Variants in ACTR3C observed in about 807,000 individuals in gnomAD.
ACTR3C encodes the protein actin-related protein 3C.
ACTR3C carries 18 observed loss-of-function variants against 26.3 expected under a neutral mutation model. The observed-to-expected ratio is 0.68, with a 90% CI of 0.47 to 1.01. The LOEUF (loss-of-function observed/expected upper bound fraction) is 1.01. Ranked by LOEUF, ACTR3C falls within the 50% of genes least tolerant of loss-of-function variation. ACTR3C has a pLI of 0.00. For synonymous variants in ACTR3C, 55 were observed against 94.5 expected, an observed-to-expected ratio of 0.58 and a Z score of 2.42; for missense variants, 184 against 250.7, an observed-to-expected ratio of 0.73 and a Z score of 1.80.
the ACTR3C span, among the ~76,000 whole-genome samples, chr7:150,223,498 G>A: frequency 7.0e-6 from 1 of 142,598 alleles, no homozygotes; most frequent in African/African-American, 2.8e-5. Context: ...TTGTTTGTTT[G>A]TTTTTAGAAA....
At chr7:150,191,447 T>C in the ACTR3C span, among the ~76,000 whole-genome samples, 1 of 152,240 alleles carries the variant, frequency 6.6e-6, no homozygotes, top group African/African-American at 2.4e-5. Flanking sequence ...TTTTTTAGAT[T>C]TAGTCCAAAG....
chr7:150,038,763 AG>A, the ACTR3C span, among the ~76,000 whole-genome samples: 1 of 134,532 alleles, frequency 7.4e-6, no homozygotes, highest in Non-Finnish European at 1.6e-5. Context: ...CTAAGCCAGG[AG>A]GGGAAGAGGG....
the ACTR3C span, among the ~76,000 whole-genome samples, chr7:150,034,942 GGAA>G: frequency 7.7e-6 from 1 of 129,326 alleles, no homozygotes; most frequent in Non-Finnish European, 1.6e-5. Flanking sequence ...AGCCAGGGGC[GGAA>G]GAGGGGATAA....
At chr7:150,275,676 A>AC (rs1317249063) in intron 6 of ACTR3C, among the ~76,000 whole-genome samples, 27 of 151,966 alleles carry the variant, frequency 1.8e-4, no homozygotes, top group African/African-American at 6.3e-4. Context: ...ACACCACTGC[A>AC]CTCCAGGCTG....
At chr7:150,199,415 G>A in the ACTR3C span, among the ~76,000 whole-genome samples, 2 of 105,516 alleles carry the variant, frequency 1.9e-5, no homozygotes, top group Non-Finnish European at 3.7e-5. Context: ...CAGCATGCTC[G>A]TTAAGAGTCA....
the ACTR3C span, among the ~76,000 whole-genome samples, chr7:149,884,214 G>C: frequency 6.6e-6 from 1 of 152,186 alleles, no homozygotes; most frequent in Admixed American, 6.5e-5. Flanking sequence ...TGGGCTTCCG[G>C]GAATGAAATC....
the ACTR3C span, among the ~76,000 whole-genome samples, chr7:149,987,890 G>C: frequency 6.6e-6 from 1 of 152,082 alleles, no homozygotes; most frequent in Non-Finnish European, 1.5e-5. Context: ...CTGCACATGT[G>C]CCCCTGAACC....
At chr7:150,285,574 G>A (rs996587756) in intron 5 of ACTR3C, among the ~76,000 whole-genome samples, 2 of 152,180 alleles carry the variant, frequency 1.3e-5, no homozygotes, top group African/African-American at 4.8e-5. Context: ...TATTAAAAGT[G>A]AGCATTCACT....
chr7:150,179,245 G>C, the ACTR3C span, among the ~76,000 whole-genome samples: 1 of 143,956 alleles, frequency 6.9e-6, no homozygotes, highest in Non-Finnish European at 1.5e-5. Context: ...GATGAAGGTA[G>C]AGATGATTTA....
the ACTR3C span, among the ~76,000 whole-genome samples, chr7:150,105,161 C>T: frequency 3.3e-5 from 5 of 150,998 alleles, no homozygotes; most frequent in Non-Finnish European, 3.0e-5. Flanking sequence ...CCGCTCACTG[C>T]AAGCTCTGCC....
the ACTR3C span, among the ~76,000 whole-genome samples, chr7:149,991,900 C>G: frequency 6.6e-6 from 1 of 151,908 alleles, no homozygotes; most frequent in East Asian, 2.0e-4. Flanking sequence ...CAGCCTCAAA[C>G]CTAATCTTAC....
the ACTR3C span, among the ~76,000 whole-genome samples, chr7:150,039,994 C>A: frequency 1.4e-5 from 2 of 139,978 alleles, 1 homozygote; most frequent in Non-Finnish European, 3.2e-5. Context: ...TCCCCCACTG[C>A]GATAGTGGTC....
the ACTR3C span, among the ~76,000 whole-genome samples, chr7:150,212,156 G>A: frequency 6.8e-6 from 1 of 146,664 alleles, no homozygotes; most frequent in African/African-American, 2.7e-5. Context: ...AATCCATATT[G>A]CTGAGACTGT....
the ACTR3C span, among the ~76,000 whole-genome samples, chr7:149,906,436 T>C: frequency 2.0e-5 from 2 of 98,944 alleles, no homozygotes; most frequent in Non-Finnish European, 4.4e-5. Flanking sequence ...TTTTTTTTTT[T>C]TTTTTTTTTT....
chr7:150,068,570 C>A, the ACTR3C span, among the ~76,000 whole-genome samples: 10 of 150,968 alleles, frequency 6.6e-5, no homozygotes, highest in African/African-American at 2.4e-4. Context: ...GTCAGGAGAT[C>A]GAGACCATCC....
At chr7:150,152,067 C>A in the ACTR3C span, among the ~76,000 whole-genome samples, 2 of 150,344 alleles carry the variant, frequency 1.3e-5, 1 homozygote, top group African/African-American at 4.9e-5. Flanking sequence ...TCTAGATATA[C>A]AATCATGTCA....
At chr7:149,950,007 C>T in the ACTR3C span, among the ~76,000 whole-genome samples, 2 of 145,814 alleles carry the variant, frequency 1.4e-5, 1 homozygote, top group Middle Eastern at 6.8e-3. Context: ...GGAAGTGCAC[C>T]CACGGGAGCA....
At chr7:149,886,860 C>T in the ACTR3C span, among the ~76,000 whole-genome samples, 2 of 150,960 alleles carry the variant, frequency 1.3e-5, no homozygotes, top group East Asian at 1.9e-4. Flanking sequence ...CTCAGGAAGG[C>T]GAGGTAGGGG....
intron 6 of ACTR3C, among the ~76,000 whole-genome samples, chr7:150,255,103 A>T (rs6971219): frequency 0.044 from 6,693 of 150,886 alleles, 509 homozygotes; most frequent in African/African-American, 0.16. Flanking sequence ...AAAAAAGAAA[A>T]TAAAATGCTC....
Sources: gnomAD v4.1 joint callset for allele counts (sites outside exome capture counted in the v4.1 genomes callset) on GRCh38, gnomAD v4.1.1 for gene constraint, MANE v1.5 for transcripts, NCBI Gene and HGNC (gene_info 2026-07-23, HGNC 2026-07-21) for gene names.